Variants in INPP4B observed in about 807,000 individuals in gnomAD.
The protein encoded by INPP4B is inositol polyphosphate-4-phosphatase type II B, also known as inositol polyphosphate 4-phosphatase type II.
Under a neutral mutation model 122.5 loss-of-function variants are expected in INPP4B, and 55 were observed. That is an observed-to-expected ratio of 0.45 (90% confidence interval 0.36 to 0.56). INPP4B has a LOEUF of 0.56. INPP4B is among the 20% of genes least tolerant of loss of function. The pLI is 0.00. For synonymous variants in INPP4B, 403 were observed against 388.7 expected (o/e 1.04, Z -0.43); for missense variants, 1,000 against 1,097.7 (o/e 0.91, Z 1.26).
chr4:142,259,722 CAAA>C (rs1336012431), intron 11 of INPP4B, among the ~76,000 whole-genome samples: 1 of 151,908 alleles, frequency 6.6e-6, no homozygotes, highest in Non-Finnish European at 1.5e-5. Flanking sequence ...TACAGCTATA[CAAA>C]AGTATTTTTT....
chr4:142,312,566 G>T (rs1407340541), intron 8 of INPP4B, among the ~76,000 whole-genome samples: 1 of 152,202 alleles, frequency 6.6e-6, no homozygotes, highest in African/African-American at 2.4e-5. Flanking sequence ...AGAGATGGCT[G>T]AGCCGAAACA....
intron 1 of INPP4B, among the ~76,000 whole-genome samples, chr4:142,808,103 TACAC>T (rs34768563): frequency 9.4e-5 from 14 of 149,510 alleles, no homozygotes; most frequent in African/African-American, 1.7e-4. Flanking sequence ...CATGATAAAA[TACAC>T]ACACACACAC....
intron 10 of INPP4B, among the ~76,000 whole-genome samples, chr4:142,267,865 C>T (rs74661183): frequency 0.013 from 2,039 of 152,004 alleles, 47 homozygotes; most frequent in African/African-American, 0.047. Flanking sequence ...AAGAAAACAA[C>T]CCAATAAAAA....
intron 2 of INPP4B, among the ~76,000 whole-genome samples, chr4:142,543,929 A>T (rs575084670): frequency 6.6e-6 from 1 of 152,120 alleles, no homozygotes; most frequent in African/African-American, 2.4e-5. Context: ...TCAGAACAAG[A>T]TCCCAAAAGC....
intron 2 of INPP4B, among the ~76,000 whole-genome samples, chr4:142,684,411 G>C (rs1560958492): frequency 6.6e-6 from 1 of 152,042 alleles, no homozygotes; most frequent in Non-Finnish European, 1.5e-5. Context: ...GTTATCTGCA[G>C]AACTGTGAAT....
rs575837635 is a variant in INPP4B at position 142,183,763 on chromosome 4, G to A, written c.1181+9324C>T. 1.8e-4 allele frequency among the ~76,000 whole-genome samples: 28 copies of A among 152,206 alleles called. No homozygotes were observed. The South Asian group carries it at 4.8e-3, about 26-fold the overall frequency. On this transcript the variant is annotated intron_variant, in intron 15 of 25. Transcript: ENST00000262992. ...TTTCAGTTTGCAGCAAAGGAGAAAC[G>A]TAACTTCTAATTTACAGAAAATAAA...
intron 1 of INPP4B, among the ~76,000 whole-genome samples, chr4:142,773,543 A>G (rs1393106016): frequency 1.3e-5 from 2 of 152,226 alleles, no homozygotes; most frequent in Non-Finnish European, 2.9e-5. Flanking sequence ...TGTGAGATTT[A>G]CTATCTACAA....
intron 3 of INPP4B, among the ~76,000 whole-genome samples, chr4:142,449,978 G>C (rs1813788017): frequency 6.6e-6 from 1 of 152,136 alleles, no homozygotes; most frequent in African/African-American, 2.4e-5. Context: ...GCACTTCCCA[G>C]GCTGCCAGGG....
chr4:142,679,261 C>T (rs1327588185), intron 2 of INPP4B, among the ~76,000 whole-genome samples: 2 of 151,870 alleles, frequency 1.3e-5, no homozygotes, highest in African/African-American at 4.8e-5. Flanking sequence ...AGGAAAACAT[C>T]TATCTAGACC....
chr4:142,678,205 A>G (rs1758094180), intron 2 of INPP4B, among the ~76,000 whole-genome samples: 1 of 151,962 alleles, frequency 6.6e-6, no homozygotes, highest in South Asian at 2.1e-4. Flanking sequence ...ATAATTGGCC[A>G]TTAGAGATAT....
chr4:142,705,194 T>A (rs1762308620), intron 2 of INPP4B, among the ~76,000 whole-genome samples: 1 of 152,190 alleles, frequency 6.6e-6, no homozygotes, highest in Non-Finnish European at 1.5e-5. Flanking sequence ...TCCACTGCCC[T>A]GGATTAGATG....
chr4:142,618,624 A>C (rs117882842), intron 2 of INPP4B, among the ~76,000 whole-genome samples: 2 of 152,234 alleles, frequency 1.3e-5, no homozygotes, highest in East Asian at 3.9e-4. Context: ...AGCCCAAACT[A>C]TGTAATACTC....
intron 2 of INPP4B, among the ~76,000 whole-genome samples, chr4:142,579,907 A>G (rs920983024): frequency 6.6e-6 from 1 of 150,788 alleles, no homozygotes; most frequent in Non-Finnish European, 1.5e-5. Flanking sequence ...AGATAGATAG[A>G]TAGATAGATA....
intron 3 of INPP4B, among the ~76,000 whole-genome samples, chr4:142,436,154 C>T (rs1415446441): frequency 6.6e-6 from 1 of 152,156 alleles, no homozygotes; most frequent in East Asian, 1.9e-4. Context: ...GCCAGATTGC[C>T]TCTTCAAGCC....
rs776653860 is a variant in INPP4B at position 142,075,975 on chromosome 4, T to G, written c.2642+6056A>C. On this transcript the variant is annotated intron_variant, in intron 25 of 25. Coordinates refer to ENST00000262992, the MANE Select transcript of INPP4B (RefSeq NM_001101669.3). ...ATTGTATTATTTTATTAAGTTAAAA[T>G]GTATGTTTCACATCCTTCTATGTCT... 3.3e-5 allele frequency among the ~76,000 whole-genome samples: 5 copies of G among 152,120 alleles called. No homozygotes were observed. In the East Asian group the frequency reaches 9.6e-4, roughly 29 times the overall value.
intron 1 of INPP4B, among the ~76,000 whole-genome samples, chr4:142,743,876 G>A (rs1034967478): frequency 1.3e-5 from 2 of 151,614 alleles, no homozygotes; most frequent in East Asian, 1.9e-4. Context: ...TCTACTAAAC[G>A]TTTTTACCAT....
At chr4:142,594,431 AC>A (rs1738221132) in intron 2 of INPP4B, among the ~76,000 whole-genome samples, 1 of 152,200 alleles carries the variant, frequency 6.6e-6, no homozygotes, top group South Asian at 2.1e-4. Context: ...TTTGTTTCTT[AC>A]AAAAATTCTG....
At chr4:142,836,426 G>A (rs1281082875) in intron 1 of INPP4B, among the ~76,000 whole-genome samples, 1 of 151,924 alleles carries the variant, frequency 6.6e-6, no homozygotes, top group Non-Finnish European at 1.5e-5. Flanking sequence ...GAGTGTGTGT[G>A]TGCGCGCGTG....
intron 1 of INPP4B, among the ~76,000 whole-genome samples, chr4:142,762,285 C>A (rs779300840): frequency 6.6e-6 from 1 of 152,152 alleles, no homozygotes; most frequent in Non-Finnish European, 1.5e-5. Context: ...GCCATCACCA[C>A]ACCCACCTCA....
Sources: allele counts gnomAD v4.1 joint callset (sites outside exome capture counted in the v4.1 genomes callset), GRCh38; gene constraint gnomAD v4.1.1; transcripts MANE v1.5; gene names NCBI Gene and HGNC (gene_info 2026-07-23, HGNC 2026-07-21).